Variants in FANCD2 observed in about 807,000 individuals in gnomAD.
FANCD2 encodes the protein FA complementation group D2.
In FANCD2, 131 loss-of-function variants were observed where a neutral mutation model predicts 192.3. The ratio of observed to expected loss-of-function variants is 0.68; its 90% CI spans 0.59 to 0.79. The LOEUF is 0.79. Ranked by LOEUF, FANCD2 falls within the 30% of genes least tolerant of loss-of-function variation. The pLI, the probability that FANCD2 is intolerant of heterozygous loss-of-function variation, is 0.00. For synonymous variants in FANCD2, 524 were observed against 612.5 expected, an observed-to-expected ratio of 0.86 and a Z score of 2.13; for missense variants, 1,508 against 1,701.6, an observed-to-expected ratio of 0.89 and a Z score of 2.00.
intron 18 of FANCD2, chr3:10,058,002 C>G: frequency 2.3e-6 from 1 of 437,560 alleles, no homozygotes; most frequent in South Asian, 1.9e-5. Flanking sequence ...TTGAGTTAAG[C>G]TATCAAGTTT....
intron 36 of FANCD2, among the ~76,000 whole-genome samples, chr3:10,089,159 C>CCTGT (rs1694424438): frequency 6.6e-6 from 1 of 152,042 alleles, no homozygotes; most frequent in African/African-American, 2.4e-5. Context: ...GTGGCACATG[C>CCTGT]CTGTAATCCC....
intron 30 of FANCD2, 109 bp downstream of exon 30, chr3:10,078,306 G>T: frequency 2.6e-6 from 2 of 769,412 alleles, no homozygotes; most frequent in Non-Finnish European, 4.8e-6. Context: ...GGGTCACTGG[G>T]TAGCATGGGT....
chr3:10,079,196 A>G (rs1446951166), intron 30 of FANCD2, among the ~76,000 whole-genome samples: 1 of 151,996 alleles, frequency 6.6e-6, no homozygotes, highest in African/African-American at 2.4e-5. Context: ...GTGAACCAAG[A>G]TCATGCTACT....
chr3:10,084,231 A>T (rs1267439795), intron 32 of FANCD2, among the ~76,000 whole-genome samples: 3 of 150,660 alleles, frequency 2.0e-5, no homozygotes, highest in African/African-American at 7.3e-5. Context: ...TGACCCCGTG[A>T]TCTACCCACC....
rs1315215440 is a variant in FANCD2, at chr3:10,051,404, AAAACAAAAAG to A, written c.1546-982_1546-973del. Among the ~76,000 whole-genome samples, 7 of 10,542 alleles carry A rather than the reference AAAACAAAAAG, an allele frequency of 6.6e-4. No homozygotes were observed. In the South Asian group the frequency reaches 9.1e-3, roughly 14 times the overall value. 6.9% of individuals were successfully genotyped at this position (10,542 alleles called of 152,430 possible). On this transcript the variant is annotated intron_variant, in intron 17 of 43. Transcript: ENST00000675286. ...TCAAAAAAAAAAAAAAAAAAAAAAA[AAAACAAAAAG>A]GAGTGAGGGATTTATCTCCCAGTGT... is the stretch of plus-strand genomic sequence containing the variant.
chr3:10,075,715 C>G (rs1376601039), intron 29 of FANCD2, among the ~76,000 whole-genome samples: 1 of 143,742 alleles, frequency 7.0e-6, no homozygotes, highest in Non-Finnish European at 1.5e-5. Flanking sequence ...ACCTTCAGAA[C>G]AGAAATAGTA....
At chr3:10,088,310 A>G in intron 34 of FANCD2, 139 bp from the exon 35 acceptor site, 1 of 707,054 alleles carries the variant, frequency 1.4e-6, no homozygotes. Flanking sequence ...GCTTTTTGTA[A>G]GTTGCCTGTT....
At chr3:10,083,013 G>GC (rs748325682) in intron 32 of FANCD2, among the ~76,000 whole-genome samples, 2 of 152,160 alleles carry the variant, frequency 1.3e-5, no homozygotes, top group Admixed American at 6.5e-5. Flanking sequence ...GATCACTTGA[G>GC]CTCAGGAGTT....
chr3:10,031,334 T>A (rs527701339), intron 2 of FANCD2, among the ~76,000 whole-genome samples: 16 of 152,150 alleles, frequency 1.1e-4, no homozygotes, highest in Non-Finnish European at 1.9e-4. Flanking sequence ...AAACCCCGTC[T>A]CTACTAAAAA....
chr3:10,086,268 C>T (rs1694194558), intron 33 of FANCD2, among the ~76,000 whole-genome samples: 2 of 152,218 alleles, frequency 1.3e-5, no homozygotes, highest in Admixed American at 6.5e-5. Flanking sequence ...CTAGTTATCA[C>T]TGATAGCCTG....
At chr3:10,066,101 G>A (rs1325806800) in intron 25 of FANCD2, 122 bp downstream of exon 25, 12 of 694,318 alleles carry the variant, frequency 1.7e-5, no homozygotes, top group Non-Finnish European at 2.9e-5. Context: ...TGCTTCTCTA[G>A]CTGTTATGTC....
intron 8 of FANCD2, 45 bp from the exon 9 acceptor site, chr3:10,039,676 A>G (rs537015333): frequency 6.2e-7 from 1 of 1,611,874 alleles, no homozygotes; most frequent in Admixed American, 1.7e-5. Flanking sequence ...GTCTTTCTTT[A>G]TTCTGGGTAA....
At chr3:10,042,491 A>T (rs2086889854) in intron 10 of FANCD2, 68 bp from the exon 11 acceptor site, 2 of 1,208,996 alleles carry the variant, frequency 1.7e-6, no homozygotes, top group Non-Finnish European at 2.5e-6. Flanking sequence ...AATTTTATCT[A>T]ACAGTTCAGT....
intron 3 of FANCD2, among the ~76,000 whole-genome samples, chr3:10,033,650 CA>C (rs1203066774): frequency 3.4e-5 from 5 of 147,208 alleles, no homozygotes; most frequent in African/African-American, 1.3e-4. Flanking sequence ...AAGGTTATGG[CA>C]GGTCTTTTTT....
intron 30 of FANCD2, 111 bp from the exon 31 acceptor site, chr3:10,080,988 TC>T: frequency 8.8e-7 from 1 of 1,131,496 alleles, no homozygotes; most frequent in Non-Finnish European, 1.3e-6. Context: ...AACTCATTTC[TC>T]CCATCTGCTC....
chr3:10,042,217 TAAGTTTTGAGTGGA>T (rs2086883604), intron 10 of FANCD2, among the ~76,000 whole-genome samples: 1 of 152,126 alleles, frequency 6.6e-6, no homozygotes, highest in South Asian at 2.1e-4. Flanking sequence ...TTTTAAGCAG[TAAGTTTTGAGTGGA>T]AATCTTCCAT....
At chr3:10,098,640 C>G in intron 42 of FANCD2, 80 bp from the exon 43 acceptor site, 1 of 1,535,318 alleles carries the variant, frequency 6.5e-7, no homozygotes, top group African/African-American at 1.4e-5. Context: ...CTTTGTATTG[C>G]CTGTAAACTC....
chr3:10,071,784 G>T (rs143849318), intron 26 of FANCD2, among the ~76,000 whole-genome samples: 521 of 152,272 alleles, frequency 3.4e-3, no homozygotes, highest in Non-Finnish European at 4.1e-3. Context: ...TTTTGAGATG[G>T]AGTCTCGCTC....
intron 32 of FANCD2, among the ~76,000 whole-genome samples, chr3:10,085,573 G>A (rs1163297303): frequency 6.6e-6 from 1 of 151,858 alleles, no homozygotes; most frequent in Non-Finnish European, 1.5e-5. Context: ...TGTATTTTTA[G>A]TAGAGACGGG....
Sources: allele counts gnomAD v4.1 joint callset (sites outside exome capture counted in the v4.1 genomes callset), GRCh38; gene constraint gnomAD v4.1.1; transcripts MANE v1.5; gene names NCBI Gene and HGNC (gene_info 2026-07-23, HGNC 2026-07-21).